Variants in FIGNL2 observed in about 807,000 individuals in gnomAD.
The protein encoded by FIGNL2 is fidgetin like 2, also known as fidgetin-like protein 2.
For synonymous variants in FIGNL2, 565 were observed against 484.0 expected, an observed-to-expected ratio of 1.17 and a Z score of -2.20; for missense variants, 1,060 against 950.2, an observed-to-expected ratio of 1.12 and a Z score of -1.52.
rs2138967380 is a variant in FIGNL2, at chr12:51,820,487, C to T, written c.1927G>A (p.Val643Met). The T allele has an allele frequency of 6.3e-7, 1 of 1,589,550 alleles. No homozygotes were observed. Among genetic ancestry groups the T allele is most frequent in the Non-Finnish European group, 8.5e-7 (1 of 1,175,566 alleles). ...RASAKELDSF[V>M]EWDKMYGSGH is the part of the protein sequence containing the mutation. ...GAGCCGTACATTTTGTCCCACTCCA[C>T]GAACGAGTCCAGTTCCTTGGCAGAG... Residue 643 changes from valine to methionine, a missense_variant, in exon 2 of 2, where the codon GTG becomes ATG. Transcript: ENST00000618634.
chr12:51,825,003 C>T (rs960739409), intron 1 of FIGNL2, among the ~76,000 whole-genome samples: 2 of 152,122 alleles, frequency 1.3e-5, no homozygotes, highest in African/African-American at 4.8e-5. Flanking sequence ...GAGGTGGCAC[C>T]ACTGCACTCC....
At chr12:51,848,237 C>T (rs1473309449) in intron 1 of FIGNL2, 1 of 984,706 alleles carries the variant, frequency 1.0e-6, no homozygotes, top group Non-Finnish European at 1.2e-6. Flanking sequence ...CCCGAGCCGG[C>T]TGCTCGCTTT....
chr12:51,835,306 T>A (rs1462387666), intron 1 of FIGNL2: 1 of 152,256 alleles, frequency 6.6e-6, no homozygotes, highest in Non-Finnish European at 1.5e-5. Context: ...TTATCTCCTC[T>A]GTGATCCAGG....
Position 51,821,048 on chromosome 12 carries a change from G to C in FIGNL2, c.1366C>G (p.Leu456Val), listed in dbSNP as rs1478990391. 8.3e-7 allele frequency: 1 copy of C among 1,208,968 alleles called. No individual in the cohort carries two copies. The highest frequency in any genetic ancestry group is 4.5e-5 in the Admixed American group (1 of 22,316). The allele number at this position is 1,208,968 out of a possible 1,614,324, so 74.9% of individuals were successfully genotyped here. ...ATQLGATLLRLRGATLAAPGA... is the reference protein window; with the variant it reads ...ATQLGATLLRVRGATLAAPGA... ...GGCGCAGCCAGGGTCGCGCCGCGCA[G>C]GCGCAACAGCGTGGCGCCCAGCTGC... Residue 456 changes from leucine (L) to valine (V), a missense_variant, in exon 2 of 2, where the codon CTG becomes GTG. Leu to Val is a conservative substitution (Grantham distance 32, BLOSUM62 1). Coordinates refer to ENST00000618634, the MANE Select transcript of FIGNL2 (RefSeq NM_001384995.1).
At chr12:51,835,812 T>A (rs1402383003) in intron 1 of FIGNL2, among the ~76,000 whole-genome samples, 1 of 151,842 alleles carries the variant, frequency 6.6e-6, no homozygotes, top group Non-Finnish European at 1.5e-5. Context: ...CTTCTTTTTT[T>A]TTTTTTTTTT....
intron 1 of FIGNL2, among the ~76,000 whole-genome samples, chr12:51,846,585 G>A (rs1020575322): frequency 1.3e-5 from 2 of 152,158 alleles, no homozygotes; most frequent in Non-Finnish European, 2.9e-5. Flanking sequence ...CCCAGCCTTC[G>A]CCCAGGCTGG....
chr12:51,820,739 C>T lies in FIGNL2; in HGVS notation c.1675G>A (p.Asp559Asn), dbSNP rs1344578257. 7.4e-6 allele frequency: 11 copies of T among 1,483,172 alleles called. No homozygotes were observed. The highest frequency in any genetic ancestry group is 8.9e-6 in the Non-Finnish European group (10 of 1,126,080). 91.9% of individuals were successfully genotyped at this position (1,483,172 alleles called of 1,614,324 possible). A position where few individuals can be genotyped will look rare whatever the true frequency, so the allele number is the denominator to read the frequency against. Residue 559 changes from aspartate to asparagine, a missense_variant, in exon 2 of 2, where the codon GAC becomes AAC. Asp to Asn is a conservative substitution (Grantham distance 23). Transcript: ENST00000618634. Reference sequence around the variant, plus strand: ...AGGATCTGCCCGCGGGCCGGGCTGTCGGGCAGCGCCACGTAGAAGCGGAGA... The same window carrying T: ...AGGATCTGCCCGCGGGCCGGGCTGTTGGGCAGCGCCACGTAGAAGCGGAGA... ...FSLRFYVALP[D>N]SPARGQILQR...
chr12:51,848,045 G>A lies in FIGNL2; in HGVS notation c.-12+495C>T, dbSNP rs181870592. 5,009 of 830,666 alleles carry A rather than the reference G, an allele frequency of 6.0e-3. 24 individuals carry two copies. The highest frequency in any genetic ancestry group is 0.021 in the South Asian group (377 of 18,356). 51.5% of individuals were successfully genotyped at this position (830,666 alleles called of 1,614,324 possible). ...CCTGTCACTGCCCCGTCACCATGCTGGGGAATCTCCGGGCCAGTAACCCAG... is the reference window on the plus strand; with the variant it reads ...CCTGTCACTGCCCCGTCACCATGCTAGGGAATCTCCGGGCCAGTAACCCAG... On this transcript the variant is annotated intron_variant, in intron 1 of 1. Coordinates refer to ENST00000618634, the MANE Select transcript of FIGNL2 (RefSeq NM_001384995.1).
chr12:51,830,663 C>T (rs1461379670), intron 1 of FIGNL2, among the ~76,000 whole-genome samples: 5 of 151,050 alleles, frequency 3.3e-5, no homozygotes, highest in African/African-American at 4.9e-5. Flanking sequence ...AGCTAATTTT[C>T]TGTATTTTTA....
In FIGNL2 at chr12:51,821,167, G is replaced by C. The variant is rs777717159; in HGVS notation, c.1247C>G (p.Pro416Arg). 95 of 1,483,800 alleles carry C rather than the reference G, an allele frequency of 6.4e-5. No homozygotes were observed. The Middle Eastern group carries it at 1.3e-3, about 20-fold the overall frequency. 91.9% of individuals were successfully genotyped at this position (1,483,800 alleles called of 1,614,324 possible). Residue 416 changes from proline (P) to arginine (R), a missense_variant, in exon 2 of 2, where the codon CCC (proline) becomes CGC (arginine). Coordinates refer to ENST00000618634, the MANE Select transcript of FIGNL2 (RefSeq NM_001384995.1). ...EELVWPLLRP[P>R]AYPGSLRPPR... ...CGGGCGCAGGCTGCCCGGGTAGGCG[G>C]GCGGCCTGAGCAGGGGCCACACCAG...
In FIGNL2 at chr12:51,822,149, G is replaced by A; in HGVS notation, c.265C>T (p.Leu89Phe). The change falls in exon 2 of 2, where the codon CTC becomes TTC. Residue 89 changes from leucine to phenylalanine, a missense_variant. By Grantham distance (22) the Leu-to-Phe change is conservative. Transcript: ENST00000618634. ...TCGGGATCCCCTTTGGCGCCGTTGAGGAAGGAGGCGTCGCTGTACCCGCCC... is the reference window on the plus strand; with the variant it reads ...TCGGGATCCCCTTTGGCGCCGTTGAAGAAGGAGGCGTCGCTGTACCCGCCC... ...ALGGYSDASF[L>F]NGAKGDPEPW... The A allele has an allele frequency of 6.2e-7, 1 of 1,611,594 alleles. No homozygotes were observed. Among genetic ancestry groups the A allele is most frequent in the Non-Finnish European group, 8.5e-7 (1 of 1,179,060 alleles).
intron 1 of FIGNL2, among the ~76,000 whole-genome samples, chr12:51,828,893 T>TG (rs1939397983): frequency 6.6e-6 from 1 of 152,168 alleles, no homozygotes; most frequent in Non-Finnish European, 1.5e-5. Flanking sequence ...CACAAATAAA[T>TG]TTTTTACAGG....
chr12:51,847,350 G>GC, intron 1 of FIGNL2: 1 of 985,436 alleles, frequency 1.0e-6, no homozygotes, highest in Non-Finnish European at 1.2e-6. Flanking sequence ...GCCCACCTGC[G>GC]CCGTAAGCCC....
At position 51,848,430 on chromosome 12, in the gene FIGNL2, C is replaced by T. The variant is rs530425698; in HGVS notation, c.-12+110G>A. ...CGAGCTGAACCCCGCGACTAGCAGC[C>T]CCCGCCCTCTCGGCCCTCTCCGGCC... On this transcript the variant is annotated intron_variant, in intron 1 of 1. Coordinates refer to ENST00000618634, the MANE Select transcript of FIGNL2 (RefSeq NM_001384995.1). 35 of 982,636 alleles carry T rather than the reference C, an allele frequency of 3.6e-5. 2 individuals carry two copies. The South Asian group carries it at 1.6e-3, about 44-fold the overall frequency. The allele number at this position is 982,636 out of a possible 1,614,324, so 60.9% of individuals were successfully genotyped here.
intron 1 of FIGNL2, chr12:51,844,729 G>A (rs1939715147): frequency 1.0e-6 from 1 of 985,266 alleles, no homozygotes; most frequent in African/African-American, 1.7e-5. Context: ...GAGACAAGTG[G>A]ACCCTAAAAA....
intron 1 of FIGNL2, among the ~76,000 whole-genome samples, chr12:51,822,698 GTTA>G (rs1306447008): frequency 8.5e-5 from 13 of 152,208 alleles, no homozygotes; most frequent in African/African-American, 3.1e-4. Flanking sequence ...GTAGGCAATG[GTTA>G]TTATTTTTGT....
At chr12:51,825,711 G>C (rs2138978717) in intron 1 of FIGNL2, 1 of 151,072 alleles carries the variant, frequency 6.6e-6, no homozygotes, top group East Asian at 1.9e-4. Context: ...CCGCCTCCCG[G>C]GTTCACGCCA....
At chr12:51,831,835 A>G (rs999571555) in intron 1 of FIGNL2, 1 of 154,236 alleles carries the variant, frequency 6.5e-6, no homozygotes, top group Non-Finnish European at 1.5e-5. Flanking sequence ...TAGGAAAAAA[A>G]GCCCAAAATA....
At chr12:51,824,204 C>T (rs948343216) in intron 1 of FIGNL2, 3 of 152,250 alleles carry the variant, frequency 2.0e-5, no homozygotes, top group Non-Finnish European at 4.4e-5. Flanking sequence ...TGTGGACAAC[C>T]TACATAACCA....
Sources: allele counts gnomAD v4.1 joint callset (sites outside exome capture counted in the v4.1 genomes callset), GRCh38; gene constraint gnomAD v4.1.1; transcripts MANE v1.5; gene names NCBI Gene and HGNC (gene_info 2026-07-23, HGNC 2026-07-21).